CNTNAP1: variants seen among roughly 807,000 people sequenced by gnomAD.
CNTNAP1 encodes contactin associated protein 1.
In CNTNAP1, 80 loss-of-function variants were observed where a neutral mutation model predicts 161.5. That is an observed-to-expected ratio of 0.50 (90% CI 0.41 to 0.60). The LOEUF (loss-of-function observed/expected upper bound fraction) is 0.60, where lower values mean the gene tolerates loss of function less well. CNTNAP1 is among the 20% of genes least tolerant of loss of function. CNTNAP1 has a pLI of 0.00. For synonymous variants in CNTNAP1, 695 were observed against 733.1 expected (o/e 0.95, Z 0.84); for missense variants, 1,464 against 1,854.8 (o/e 0.79, Z 3.87).
In CNTNAP1 at chr17:42,688,864, T is replaced by A. The variant is rs1394900284; in HGVS notation, c.1457-12T>A. 1.2e-6 allele frequency: 2 copies of A among 1,613,484 alleles called. No homozygotes were observed. The highest frequency in any genetic ancestry group is 2.2e-5 in the South Asian group (2 of 91,052). The stretch of plus-strand genomic sequence containing the variant: ...TCCCCTGGGGAGGATCTCACAGGGG[T>A]GGTTGCTCCAGGTTGTCCCAAGCCA... On this transcript the variant is annotated splice_polypyrimidine_tract_variant and intron_variant, in intron 9 of 23. Coordinates refer to ENST00000264638, the MANE Select transcript of CNTNAP1 (RefSeq NM_003632.3).
Position 42,685,336 on chromosome 17 carries a change from C to A in CNTNAP1, c.631C>A (p.Leu211Ile). Reference protein sequence around the residue: ...FSFKTEEKDGLLLHAEGAQGD... With the variant: ...FSFKTEEKDGILLHAEGAQGD... Reference sequence around the variant, plus strand: ...CTTCAAGACCGAGGAGAAGGACGGTCTTCTGCTGCACGCCGAGGGCGCCCA... The same window carrying A: ...CTTCAAGACCGAGGAGAAGGACGGTATTCTGCTGCACGCCGAGGGCGCCCA... Residue 211 changes from leucine (L) to isoleucine (I), a missense_variant, in exon 5 of 24, where the codon CTT becomes ATT. This residue lies in a region of CNTNAP1 where 1,383 missense variants were observed against 1,765.0 expected (regional missense o/e 0.78). Coordinates refer to ENST00000264638, the MANE Select transcript of CNTNAP1 (RefSeq NM_003632.3). This position sits in a 1 kb window ranked among gnomAD's most constrained non-coding sequence, Gnocchi z 5.0. 1 of 1,611,632 alleles carries A rather than the reference C, an allele frequency of 6.2e-7. No individual in the cohort carries two copies.
At position 42,686,474 on chromosome 17, in the gene CNTNAP1, T is replaced by TTTTTTTG. The variant is rs773743309; in HGVS notation, c.900+339_900+340insGTTTTTT. Among the ~76,000 whole-genome samples, 75 of 110,592 alleles carry TTTTTTTG rather than the reference T, an allele frequency of 6.8e-4. 3 individuals carry two copies. Among genetic ancestry groups the TTTTTTTG allele is most frequent in the South Asian group, 2.8e-3 (10 of 3,586 alleles). 72.6% of individuals were successfully genotyped at this position (110,592 alleles called of 152,430 possible). A position where few individuals can be genotyped will look rare whatever the true frequency, so the allele number is the denominator to read the frequency against. ...CACTCACCAGAAAAAGGCCTGTTTT[T>TTTTTTTG]TTTTTTTTTTTTTTTTTTTGTGGGT... is the stretch of plus-strand genomic sequence containing the variant. On this transcript the variant is annotated intron_variant, in intron 6 of 23. Coordinates refer to ENST00000264638, the MANE Select transcript of CNTNAP1 (RefSeq NM_003632.3).
At chr17:42,692,859 C>T (rs911445814) in intron 17 of CNTNAP1, 139 bp downstream of exon 17, 5 of 709,338 alleles carry the variant, frequency 7.0e-6, no homozygotes, top group Middle Eastern at 4.0e-4. Flanking sequence ...TCACTTGTCC[C>T]TCCAGGCCTT....
intron 8 of CNTNAP1, among the ~76,000 whole-genome samples, chr17:42,688,251 C>T (rs1046480054): frequency 4.6e-5 from 7 of 152,128 alleles, no homozygotes; most frequent in Admixed American, 1.3e-4. Flanking sequence ...TTTGGTTACT[C>T]GTTTATAACT....
Position 42,683,941 on chromosome 17 carries a change from C to A in CNTNAP1, c.169+19C>A, listed in dbSNP as rs1381381764. On this transcript the variant is annotated intron_variant, in intron 2 of 23. Coordinates refer to ENST00000264638, the MANE Select transcript of CNTNAP1 (RefSeq NM_003632.3). Reference sequence around the variant, plus strand: ...CTGCACGGTGAGCTCCGCGGAACATCAGCTGCCAACTGGCAGCGCACCGCG... The same window carrying A: ...CTGCACGGTGAGCTCCGCGGAACATAAGCTGCCAACTGGCAGCGCACCGCG... 1 of 1,613,206 alleles carries A rather than the reference C, an allele frequency of 6.2e-7. No homozygotes were observed. Among genetic ancestry groups the A allele is most frequent in the African/African-American group, 1.3e-5 (1 of 74,912 alleles).
rs1448878479 is a variant in CNTNAP1, at chr17:42,685,259, A to G, written c.554A>G (p.Tyr185Cys). Residue 185 changes from tyrosine to cysteine, a missense_variant, in exon 5 of 24, where the codon TAC (tyrosine) becomes TGC (cysteine). Tyr to Cys is a radical substitution (Grantham distance 194, BLOSUM62 -2). Coordinates refer to ENST00000264638, the MANE Select transcript of CNTNAP1 (RefSeq NM_003632.3). This position sits in a 1 kb window ranked among gnomAD's most constrained non-coding sequence, Gnocchi z 5.0. The part of the protein sequence containing the change: ...LYFDGDDAIS[Y>C]RFPRGVSRSL... Reference sequence around the variant, plus strand: ...TTCGACGGCGACGATGCCATCTCCTACCGCTTCCCGCGAGGGGTCAGCCGA... The same window carrying G: ...TTCGACGGCGACGATGCCATCTCCTGCCGCTTCCCGCGAGGGGTCAGCCGA... 6 of 1,613,604 alleles carry G rather than the reference A, an allele frequency of 3.7e-6. No individual in the cohort carries two copies. Among genetic ancestry groups the G allele is most frequent in the Admixed American group, 1.7e-5 (1 of 60,006 alleles).
intron 1 of CNTNAP1, chr17:42,683,526 T>C (rs1274155562): frequency 6.5e-6 from 8 of 1,240,260 alleles, no homozygotes; most frequent in Non-Finnish European, 8.1e-6. Context: ...AGGTTTAGGA[T>C]TGAGTTTGGG....
chr17:42,686,377 T>TTA (rs1567970354), intron 6 of CNTNAP1, among the ~76,000 whole-genome samples: 10 of 149,948 alleles, frequency 6.7e-5, no homozygotes, highest in African/African-American at 1.5e-4. Flanking sequence ...TACCTCTATT[T>TTA]AAAAAAATTT....
Position 42,698,829 on chromosome 17 carries a change from CCCAGCCCCAACT to C in CNTNAP1, c.4084_4095del (p.Thr1362_Pro1365del), listed in dbSNP as rs750756368. On this transcript the variant is annotated inframe_deletion, in exon 24 of 24. Transcript: ENST00000264638. Reference sequence around the variant, plus strand: ...ACCAAGCTCCAGCCTCAGCCCCAGCCCCAGCCCCAACTCCAGCCCCAGCCCCTGGCCCCCGGG... The same window carrying C: ...ACCAAGCTCCAGCCTCAGCCCCAGCCCCAGCCCCAGCCCCTGGCCCCCGGG... 5.9e-5 allele frequency: 94 copies of C among 1,602,312 alleles called. No homozygotes were observed. Among genetic ancestry groups the C allele is most frequent in the Non-Finnish European group, 6.1e-5 (72 of 1,178,552 alleles).
intron 1 of CNTNAP1, 47 bp downstream of exon 1, chr17:42,682,943 G>C: frequency 6.5e-7 from 1 of 1,539,866 alleles, no homozygotes; most frequent in East Asian, 2.4e-5. Context: ...CAGGAGTCCA[G>C]AGCCTGCAGG....
intron 8 of CNTNAP1, 106 bp downstream of exon 8, chr17:42,688,087 A>T: frequency 6.8e-7 from 1 of 1,476,798 alleles, no homozygotes; most frequent in African/African-American, 1.4e-5. Flanking sequence ...AGGGGAGAGG[A>T]GTGAAGGGGG....
At position 42,695,574 on chromosome 17, in the gene CNTNAP1, G is replaced by C. The variant is rs761845652; in HGVS notation, c.3046G>C (p.Ala1016Pro). 2.5e-6 allele frequency: 4 copies of C among 1,614,076 alleles called. No individual in the cohort carries two copies. The South Asian group carries it at 3.3e-5, about 13-fold the overall frequency. ...GTWMRYNLQS[A>P]LRSAAREFSH... Reference sequence around the variant, plus strand: ...CTGGATGCGCTATAACCTACAGTCAGCGCTGCGCTCTGCAGCCAGGGAGTT... The same window carrying C: ...CTGGATGCGCTATAACCTACAGTCACCGCTGCGCTCTGCAGCCAGGGAGTT... The change falls in exon 19 of 24, where the codon GCG becomes CCG. Residue 1016 changes from alanine to proline, a missense_variant. Physicochemically the swap from Ala to Pro is conservative, Grantham distance 27. This residue lies in a region of CNTNAP1 where 1,383 missense variants were observed against 1,765.0 expected (regional missense o/e 0.78). Coordinates refer to ENST00000264638, the MANE Select transcript of CNTNAP1 (RefSeq NM_003632.3).
rs2052952985 is a variant in CNTNAP1, at chr17:42,682,826, C to G, written c.-4C>G. 1 of 1,572,744 alleles carries G rather than the reference C, an allele frequency of 6.4e-7. No individual in the cohort carries two copies. Among genetic ancestry groups the G allele is most frequent in the Non-Finnish European group, 8.6e-7 (1 of 1,160,872 alleles). On this transcript the variant is annotated 5_prime_UTR_variant, in exon 1 of 24. Transcript: ENST00000264638. ...GAGGCGGCTGCCGGGACCGTCAGCC[C>G]TGCATGATGCATCTCCGGCTCTTCT...
chr17:42,686,854 C>A, intron 6 of CNTNAP1, 49 bp from the exon 7 acceptor site: 1 of 1,542,118 alleles, frequency 6.5e-7, no homozygotes. Context: ...GCGAGAAAGG[C>A]AGGCGCCCTC....
At chr17:42,686,842 GC>G in intron 6 of CNTNAP1, 60 bp from the exon 7 acceptor site, 1 of 1,522,230 alleles carries the variant, frequency 6.6e-7, no homozygotes, top group Non-Finnish European at 8.9e-7. Context: ...CGGCGGGGAC[GC>G]GCGAGAAAGG....
chr17:42,685,018 G>T lies in CNTNAP1; in HGVS notation c.391G>T (p.Ala131Ser). ...CTTCTTTGGTAACGTGAACGAGTCG[G>T]CGGTGGTGCGCCATGACCTGCACTT... is the stretch of plus-strand genomic sequence containing the variant. Reference protein sequence around the residue: ...STFFGNVNESAVVRHDLHFHF... With the variant: ...STFFGNVNESSVVRHDLHFHF... Residue 131 changes from alanine (A) to serine (S), a missense_variant, in exon 4 of 24, where the codon GCG (alanine) becomes TCG (serine). This residue lies in a region of CNTNAP1 where 1,383 missense variants were observed against 1,765.0 expected (regional missense o/e 0.78). Transcript: ENST00000264638. This position sits in a 1 kb window ranked among gnomAD's most constrained non-coding sequence, Gnocchi z 5.0. The T allele has an allele frequency of 6.2e-7, 1 of 1,602,232 alleles. No individual in the cohort carries two copies. Among genetic ancestry groups the T allele is most frequent in the Non-Finnish European group, 8.5e-7 (1 of 1,175,834 alleles).
At position 42,685,451 on chromosome 17, in the gene CNTNAP1, C is replaced by T. The variant is rs1168858446; in HGVS notation, c.715+31C>T. Reference sequence around the variant, plus strand: ...CTCGGCGACCATGTGCGATGCGGAGCCAACCCCTGAAGCTCTCTCACCGCC... The same window carrying T: ...CTCGGCGACCATGTGCGATGCGGAGTCAACCCCTGAAGCTCTCTCACCGCC... On this transcript the variant is annotated intron_variant, in intron 5 of 23. Transcript: ENST00000264638. The surrounding 1 kb of genome is among the most constrained non-coding windows in gnomAD (Gnocchi z 5.0). 12 of 1,581,076 alleles carry T rather than the reference C, an allele frequency of 7.6e-6. No homozygotes were observed. Among genetic ancestry groups the T allele is most frequent in the Non-Finnish European group, 1.0e-5 (12 of 1,167,704 alleles).
intron 10 of CNTNAP1, 87 bp downstream of exon 10, chr17:42,689,134 C>T: frequency 5.2e-6 from 7 of 1,340,030 alleles, no homozygotes; most frequent in Admixed American, 2.4e-5. Context: ...CAATAATCTC[C>T]CTTCTCCTTG....
intron 6 of CNTNAP1, among the ~76,000 whole-genome samples, chr17:42,686,561 G>A (rs1291419651): frequency 1.3e-5 from 2 of 149,142 alleles, no homozygotes; most frequent in African/African-American, 4.9e-5. Flanking sequence ...ATGGGGTTTG[G>A]AAATTCAGAT....
Sources: gnomAD v4.1 joint callset for allele counts (sites outside exome capture counted in the v4.1 genomes callset) on GRCh38, gnomAD v4.1.1 for gene constraint, gnomAD v4.1.1 regional missense constraint, Gnocchi (gnomAD v3.1) non-coding constraint, MANE v1.5 for transcripts, NCBI Gene and HGNC (gene_info 2026-07-23, HGNC 2026-07-21) for gene names.